Variants in FBXL13 observed in about 807,000 individuals in gnomAD.
FBXL13 encodes F-box and leucine rich repeat protein 13.
In FBXL13, 67 loss-of-function variants were observed where a neutral mutation model predicts 83.6. The observed-to-expected ratio is 0.80, with a 90% CI of 0.66 to 0.98. FBXL13 has a LOEUF of 0.98. Among genes scored for constraint, FBXL13 ranks in the 50% least tolerant of loss-of-function variants. FBXL13 has a pLI of 0.00. For missense variants in FBXL13, 822 were observed against 866.5 expected (o/e 0.95, Z 0.64); for synonymous variants, 272 against 299.5 (o/e 0.91, Z 0.95).
intron 8 of FBXL13, among the ~76,000 whole-genome samples, chr7:102,956,805 T>C (rs12532779): frequency 0.053 from 8,023 of 152,030 alleles, 280 homozygotes; most frequent in South Asian, 0.11. Flanking sequence ...GAGAATAAAA[T>C]ACCTAGGAAT....
chr7:102,949,681 T>A (rs1377364158), intron 8 of FBXL13, among the ~76,000 whole-genome samples: 1 of 152,180 alleles, frequency 6.6e-6, no homozygotes, highest in African/African-American at 2.4e-5. Flanking sequence ...GAAGTACACT[T>A]CCAGAAAAAT....
intron 17 of FBXL13, among the ~76,000 whole-genome samples, chr7:102,851,491 T>C (rs2411056): frequency 0.22 from 29,450 of 131,350 alleles, 3,541 homozygotes; most frequent in East Asian, 0.6. Flanking sequence ...CCTTTCCTTC[T>C]TCTCCTTCTC....
At chr7:102,944,623 G>A (rs779647066) in intron 8 of FBXL13, 5 of 1,564,954 alleles carry the variant, frequency 3.2e-6, no homozygotes, top group Non-Finnish European at 4.3e-6. Context: ...AAATTGTTCT[G>A]ATTGTAATTA....
chr7:102,846,487 C>T (rs959069655), intron 17 of FBXL13, among the ~76,000 whole-genome samples: 1 of 151,950 alleles, frequency 6.6e-6, no homozygotes, highest in South Asian at 2.1e-4. Flanking sequence ...AGGATGATGG[C>T]ACATGCCTGT....
rs191868985 is a variant in FBXL13, at chr7:103,070,027, C to T, written c.-105+4219G>A. Among the ~76,000 whole-genome samples the T allele has an allele frequency of 2.0e-3, 297 of 146,454 alleles. 3 individuals carry two copies. Among genetic ancestry groups the T allele is most frequent in the African/African-American group, 7.3e-3 (289 of 39,496 alleles). ...CCAGGAGGCGGAGCTTGCAGTGAGC[C>T]GAGATCCCGCCACTGCACTCCAGCC... On this transcript the variant is annotated intron_variant, in intron 1 of 19. Transcript: ENST00000313221.
intron 10 of FBXL13, among the ~76,000 whole-genome samples, chr7:102,921,880 A>C (rs547706999): frequency 6.6e-6 from 1 of 152,112 alleles, no homozygotes; most frequent in Non-Finnish European, 1.5e-5. Context: ...TTAGAACCAA[A>C]AATTTTGCTC....
At chr7:102,833,052 T>C in intron 17 of FBXL13, 78 bp from the exon 19 acceptor site, 1 of 1,488,228 alleles carries the variant, frequency 6.7e-7, no homozygotes, top group African/African-American at 1.4e-5. Flanking sequence ...GCTTATTAAA[T>C]GTACATTTCA....
intron 8 of FBXL13, chr7:102,944,119 C>G: frequency 1.0e-6 from 1 of 955,406 alleles, no homozygotes; most frequent in Non-Finnish European, 1.5e-6. Context: ...GAAAATTAAG[C>G]CTCTTTTTAA....
chr7:102,965,051 C>A (rs966197888), intron 7 of FBXL13, among the ~76,000 whole-genome samples: 3 of 152,186 alleles, frequency 2.0e-5, no homozygotes, highest in Non-Finnish European at 4.4e-5. Context: ...AGAGGACTTA[C>A]TGGACCCGAA....
chr7:102,910,114 C>T (rs988518013), intron 11 of FBXL13, among the ~76,000 whole-genome samples: 2 of 152,076 alleles, frequency 1.3e-5, no homozygotes, highest in Admixed American at 1.3e-4. Flanking sequence ...GTTAAATGCT[C>T]CCTCCGTGGG....
intron 19 of FBXL13, among the ~76,000 whole-genome samples, chr7:102,816,627 A>T (rs1447130594): frequency 1.3e-5 from 2 of 152,148 alleles, no homozygotes; most frequent in Non-Finnish European, 2.9e-5. Context: ...TTAAAAAAAA[A>T]TTTAGATTCA....
At chr7:103,034,645 A>C (rs1969430) in intron 2 of FBXL13, among the ~76,000 whole-genome samples, 149,366 of 152,302 alleles carry the variant, frequency 0.98, 73,338 homozygotes, top group East Asian at 1. Context: ...CAGAAAGGGG[A>C]TCCCACAGTG....
chr7:102,945,396 A>G (rs1340750373), intron 8 of FBXL13, among the ~76,000 whole-genome samples: 1 of 152,164 alleles, frequency 6.6e-6, no homozygotes, highest in Non-Finnish European at 1.5e-5. Context: ...TGTCCGTGAG[A>G]AAGGGCCCTT....
chr7:102,843,033 T>G (rs1275225094), intron 17 of FBXL13, among the ~76,000 whole-genome samples: 3 of 152,250 alleles, frequency 2.0e-5, no homozygotes, highest in Non-Finnish European at 2.9e-5. Flanking sequence ...CCTCCTTTTC[T>G]ATTTGTAAAT....
exon 20 of FBXL13, chr7:102,813,394 A>G (rs540761531): frequency 6.2e-7 from 1 of 1,614,032 alleles, no homozygotes; most frequent in African/African-American, 1.3e-5. Context: ...TGTTAATTCT[A>G]AGGCTCCTTT....
chr7:102,858,272 G>A (rs1342100299), intron 16 of FBXL13, among the ~76,000 whole-genome samples: 1 of 152,178 alleles, frequency 6.6e-6, no homozygotes, highest in African/African-American at 2.4e-5. Flanking sequence ...GGGAATTAGA[G>A]GATGGGAAGA....
At chr7:102,961,565 A>G (rs1190397177) in intron 8 of FBXL13, among the ~76,000 whole-genome samples, 1 of 148,866 alleles carries the variant, frequency 6.7e-6, no homozygotes, top group Non-Finnish European at 1.5e-5. Flanking sequence ...TGGAGGCATC[A>G]CACTACCTGA....
chr7:103,011,159 T>A, intron 6 of FBXL13, among the ~76,000 whole-genome samples: 1 of 152,164 alleles, frequency 6.6e-6, no homozygotes, highest in East Asian at 1.9e-4. Context: ...TCCAAACAAT[T>A]GCCCTAGTTC....
intron 17 of FBXL13, among the ~76,000 whole-genome samples, chr7:102,840,522 C>T (rs1802742556): frequency 6.6e-6 from 1 of 152,202 alleles, no homozygotes; most frequent in African/African-American, 2.4e-5. Context: ...AGCCAGCCAC[C>T]TCACTTTTTG....
Sources: gnomAD v4.1 joint callset for allele counts (sites outside exome capture counted in the v4.1 genomes callset) on GRCh38, gnomAD v4.1.1 for gene constraint, MANE v1.5 for transcripts, NCBI Gene and HGNC (gene_info 2026-07-23, HGNC 2026-07-21) for gene names.